Variants in INTS3 observed in about 807,000 individuals in gnomAD.
INTS3 encodes integrator complex subunit 3.
INTS3 carries 34 observed loss-of-function variants against 146.3 expected under a neutral mutation model. That is an observed-to-expected ratio of 0.23 (90% CI 0.18 to 0.31). The LOEUF (loss-of-function observed/expected upper bound fraction) is 0.31, where lower values mean the gene tolerates loss of function less well. Ranked by LOEUF, INTS3 falls within the 10% of genes least tolerant of loss-of-function variation. The pLI is 1.00. For synonymous variants in INTS3, 475 were observed against 494.9 expected (o/e 0.96, Z 0.53); for missense variants, 757 against 1,304.2 (o/e 0.58, Z 6.46).
At chr1:153,745,450 T>C (rs960776110) in intron 3 of INTS3, among the ~76,000 whole-genome samples, 24 of 152,040 alleles carry the variant, frequency 1.6e-4, no homozygotes, top group Non-Finnish European at 2.4e-4. Context: ...TGAGCCACCA[T>C]ACCCGGCCCT....
chr1:153,748,177 C>T (rs1671824306), intron 5 of INTS3: 1 of 156,778 alleles, frequency 6.4e-6, no homozygotes, highest in Non-Finnish European at 1.4e-5. Context: ...TATCCCAAGA[C>T]TGGTATGGCA....
chr1:153,772,274 T>C lies in INTS3; in HGVS notation c.2721-66T>C. The C allele has an allele frequency of 6.5e-6, 10 of 1,549,632 alleles. No homozygotes were observed. The highest frequency in any genetic ancestry group is 8.8e-6 in the Non-Finnish European group (10 of 1,135,396). Reference sequence around the variant, plus strand: ...TCTGTCTTAAGGGGGCCCTGGCGGGTGGAGGGTGTCTCGCACTCTGGAACC... The same window carrying C: ...TCTGTCTTAAGGGGGCCCTGGCGGGCGGAGGGTGTCTCGCACTCTGGAACC... On this transcript the variant is annotated intron_variant, in intron 26 of 29. Coordinates refer to ENST00000318967, the MANE Select transcript of INTS3 (RefSeq NM_023015.5). The surrounding 1 kb of genome is among the most constrained non-coding windows in gnomAD (Gnocchi z 4.6).
intron 3 of INTS3, among the ~76,000 whole-genome samples, chr1:153,745,185 G>A (rs1671681183): frequency 6.7e-6 from 1 of 148,732 alleles, no homozygotes; most frequent in African/African-American, 2.5e-5. Context: ...TTGAGACAGG[G>A]TGTCTCTGTC....
In INTS3 at chr1:153,774,029, A is replaced by G. The variant is rs1188057374; in HGVS notation, c.*759A>G. 3 of 160,816 alleles carry G rather than the reference A, an allele frequency of 1.9e-5. No homozygotes were observed. The highest frequency in any genetic ancestry group is 7.3e-5 in the African/African-American group (3 of 40,918). The allele number at this position is 160,816 out of a possible 1,614,324, so 10.0% of individuals were successfully genotyped here. ...TTTTGTTTTTTTTTTGGCAGAGATA[A>G]TCGTGTCTTAAAAGTTGTTTTTAAA... On this transcript the variant is annotated 3_prime_UTR_variant, in exon 30 of 30. Coordinates refer to ENST00000318967, the MANE Select transcript of INTS3 (RefSeq NM_023015.5).
At chr1:153,763,156 G>A (rs1041657587) in intron 15 of INTS3, 77 bp from the exon 16 acceptor site, 90 of 1,577,788 alleles carry the variant, frequency 5.7e-5, no homozygotes, top group Non-Finnish European at 7.4e-5. Context: ...GTGAGGAAGG[G>A]GATAAGTCAT....
chr1:153,732,786 T>C (rs896893707), intron 1 of INTS3, among the ~76,000 whole-genome samples: 2 of 150,126 alleles, frequency 1.3e-5, no homozygotes, highest in Non-Finnish European at 3.0e-5. Flanking sequence ...TATATTCCTT[T>C]TCTGAAAATG....
At chr1:153,747,397 G>C in intron 5 of INTS3, 34 bp downstream of exon 5, 6 of 1,509,472 alleles carry the variant, frequency 4.0e-6, no homozygotes, top group Non-Finnish European at 3.7e-6. Flanking sequence ...AAGAAGAAAG[G>C]AGGAGAGCCC....
intron 1 of INTS3, among the ~76,000 whole-genome samples, chr1:153,738,578 AT>A (rs1671390852): frequency 6.6e-6 from 1 of 152,202 alleles, no homozygotes; most frequent in South Asian, 2.1e-4. Flanking sequence ...ATTTAGTGAT[AT>A]TAACTTTGAT....
At chr1:153,749,937 C>CA (rs1671893826) in intron 6 of INTS3, among the ~76,000 whole-genome samples, 1 of 152,272 alleles carries the variant, frequency 6.6e-6, no homozygotes, top group Admixed American at 6.5e-5. Flanking sequence ...TTCTACCCTC[C>CA]AAAAAACTTA....
intron 7 of INTS3, 124 bp from the exon 8 acceptor site, chr1:153,752,155 T>C (rs1299921295): frequency 1.0e-6 from 1 of 967,926 alleles, no homozygotes. Flanking sequence ...GAAGAAATCA[T>C]AGTTTCTTCA....
Position 153,740,727 on chromosome 1 carries a change from A to G in INTS3, c.227A>G (p.Asn76Ser). The G allele has an allele frequency of 1.2e-6, 2 of 1,611,146 alleles. No individual in the cohort carries two copies. The highest frequency in any genetic ancestry group is 1.7e-6 in the Non-Finnish European group (2 of 1,177,370). Residue 76 changes from asparagine to serine, a missense_variant, in exon 2 of 30, where the codon AAT becomes AGT. By Grantham distance (46) the Asn-to-Ser change is conservative. This residue lies in a region of INTS3 where 160 missense variants were observed against 193.7 expected (regional missense o/e 0.83). Coordinates refer to ENST00000318967, the MANE Select transcript of INTS3 (RefSeq NM_023015.5). The stretch of plus-strand genomic sequence containing the variant: ...GAGAGAGAAGCCAATGATGCCCTCA[A>G]TGCGTATGTAAGTAGAATGCTGTCC... ...VSEREANDAL[N>S]AYVCKGLPQH...
chr1:153,728,110 T>C lies in INTS3; in HGVS notation c.-525T>C, dbSNP rs1290528227. On this transcript the variant is annotated 5_prime_UTR_variant, in exon 1 of 30. Coordinates refer to ENST00000318967, the MANE Select transcript of INTS3 (RefSeq NM_023015.5). ...TCTGTGTGGTGTGGGGAGACGCTGGTCCTCCCCGTCCTCCCATAGCGCTTA... is the reference window on the plus strand; with the variant it reads ...TCTGTGTGGTGTGGGGAGACGCTGGCCCTCCCCGTCCTCCCATAGCGCTTA... The C allele has an allele frequency of 1.6e-5, 5 of 313,716 alleles. No individual in the cohort carries two copies. Among genetic ancestry groups the C allele is most frequent in the African/African-American group, 9.5e-5 (4 of 41,938 alleles). 19.4% of individuals were successfully genotyped at this position (313,716 alleles called of 1,614,324 possible). A position where few individuals can be genotyped will look rare whatever the true frequency, so the allele number is the denominator to read the frequency against.
At chr1:153,734,032 C>T (rs558707938) in intron 1 of INTS3, among the ~76,000 whole-genome samples, 1 of 152,164 alleles carries the variant, frequency 6.6e-6, no homozygotes, top group Non-Finnish European at 1.5e-5. Context: ...CCTTCCCCCC[C>T]TTTCTCCCCC....
intron 1 of INTS3, 143 bp downstream of exon 1, chr1:153,728,927 T>G: frequency 8.4e-5 from 49 of 584,762 alleles, no homozygotes; most frequent in Non-Finnish European, 1.1e-4. Flanking sequence ...CTGCTCCAGC[T>G]TCCTGCTCCT....
chr1:153,728,890 C>G (rs1670961351), intron 1 of INTS3, 106 bp downstream of exon 1: 2 of 535,390 alleles, frequency 3.7e-6, no homozygotes, highest in African/African-American at 2.1e-5. Flanking sequence ...TGGAGGCTTT[C>G]AAGTTTTTTG....
At chr1:153,743,141 T>C (rs1348753188) in intron 3 of INTS3, among the ~76,000 whole-genome samples, 1 of 152,178 alleles carries the variant, frequency 6.6e-6, no homozygotes, top group Non-Finnish European at 1.5e-5. Context: ...CCTAAAAGGG[T>C]GATTATTTTG....
At position 153,757,534 on chromosome 1, in the gene INTS3, GTCT is replaced by G; in HGVS notation, c.958-34_958-32del. 1 of 1,593,738 alleles carries G rather than the reference GTCT, an allele frequency of 6.3e-7. No homozygotes were observed. Among genetic ancestry groups the G allele is most frequent in the Non-Finnish European group, 8.6e-7 (1 of 1,163,522 alleles). ...TTCCTCTGGCCAAGGACCCCACACT[GTCT>G]TCTAAGGTCTTTTTCTTGCTTCCCC... On this transcript the variant is annotated intron_variant, in intron 9 of 29. Transcript: ENST00000318967. This position sits in a 1 kb window ranked among gnomAD's most constrained non-coding sequence, Gnocchi z 4.0.
At position 153,728,584 on chromosome 1, in the gene INTS3, G is replaced by A. The variant is rs1244129378; in HGVS notation, c.-51G>A. 3 of 1,558,970 alleles carry A rather than the reference G, an allele frequency of 1.9e-6. No homozygotes were observed. Among genetic ancestry groups the A allele is most frequent in the East Asian group, 2.4e-5 (1 of 42,280 alleles). On this transcript the variant is annotated 5_prime_UTR_variant, in exon 1 of 30. Coordinates refer to ENST00000318967, the MANE Select transcript of INTS3 (RefSeq NM_023015.5). ...GCAATCCAGAGATCCCGATATCTAGGACTGTCCATCCATCCACTCCCTGAC... is the reference window on the plus strand; with the variant it reads ...GCAATCCAGAGATCCCGATATCTAGAACTGTCCATCCATCCACTCCCTGAC...
rs1491428244 is a variant in INTS3, at chr1:153,731,577, C to CTTT, written c.150+2794_150+2795insTTT. The stretch of plus-strand genomic sequence containing the variant: ...TGAAAGTGGGAGGCCCAAGAGCGTC[C>CTTT]TCTTTTTTTTTTTTTTTTTTTTTGA... On this transcript the variant is annotated intron_variant, in intron 1 of 29. Transcript: ENST00000318967. Among the ~76,000 whole-genome samples, 490 of 129,138 alleles carry CTTT rather than the reference C, an allele frequency of 3.8e-3. 60 individuals carry two copies. The highest frequency in any genetic ancestry group is 3.9e-3 in the Non-Finnish European group (238 of 61,408). 84.7% of individuals were successfully genotyped at this position (129,138 alleles called of 152,430 possible).
Sources: gnomAD v4.1 joint callset for allele counts (sites outside exome capture counted in the v4.1 genomes callset) on GRCh38, gnomAD v4.1.1 for gene constraint, gnomAD v4.1.1 regional missense constraint, Gnocchi (gnomAD v3.1) non-coding constraint, MANE v1.5 for transcripts, NCBI Gene and HGNC (gene_info 2026-07-23, HGNC 2026-07-21) for gene names.